GINS3: variants seen among roughly 807,000 people sequenced by gnomAD.
The protein encoded by GINS3 is DNA replication complex GINS protein PSF3.
A neutral mutation model predicts 20.0 loss-of-function variants in GINS3; 18 were observed. The observed-to-expected ratio is 0.90, with a 90% confidence interval of 0.62 to 1.33. GINS3 has a LOEUF of 1.33. GINS3 is among the 40% of genes most tolerant of loss of function. The pLI is 0.00. For synonymous variants in GINS3, 109 were observed against 107.0 expected (o/e 1.02, Z -0.12); for missense variants, 254 against 273.6 (o/e 0.93, Z 0.51).
intron 1 of GINS3, 28 bp downstream of exon 1, chr16:58,392,815 C>T (rs759056877): frequency 3.9e-6 from 6 of 1,558,344 alleles, no homozygotes; most frequent in Non-Finnish European, 3.5e-6. Context: ...GGGTCCTGCC[C>T]GGAAAGACTG....
At chr16:58,399,895 C>G (rs567958483) in intron 1 of GINS3, among the ~76,000 whole-genome samples, 1 of 152,206 alleles carries the variant, frequency 6.6e-6, no homozygotes, top group East Asian at 1.9e-4. Context: ...ACACTTAAAC[C>G]CATTTTTTCT....
intron 1 of GINS3, among the ~76,000 whole-genome samples, chr16:58,393,059 T>C (rs773789050): frequency 1.2e-4 from 19 of 152,202 alleles, no homozygotes; most frequent in Admixed American, 3.3e-4. Context: ...TTTGAAACTG[T>C]CCAAATTAGT....
At chr16:58,396,740 G>A (rs1403520599) in intron 1 of GINS3, among the ~76,000 whole-genome samples, 23 of 132,920 alleles carry the variant, frequency 1.7e-4, no homozygotes, top group Non-Finnish European at 3.2e-4. Flanking sequence ...CCTCCCGGAC[G>A]GGGCGGCTGG....
chr16:58,398,652 C>T (rs572776419), intron 1 of GINS3, among the ~76,000 whole-genome samples: 3 of 152,172 alleles, frequency 2.0e-5, no homozygotes, highest in East Asian at 3.9e-4. Flanking sequence ...TTTAATTTTG[C>T]GTTTTAAAAT....
chr16:58,396,402 A>G (rs1596956089), intron 1 of GINS3, among the ~76,000 whole-genome samples: 1 of 108,830 alleles, frequency 9.2e-6, no homozygotes, highest in African/African-American at 4.0e-5. Context: ...TGACCCCCCC[A>G]CCTCCCTCCC....
intron 1 of GINS3, 112 bp downstream of exon 1, chr16:58,392,899 A>G: frequency 1.7e-6 from 2 of 1,188,894 alleles, no homozygotes; most frequent in Non-Finnish European, 2.3e-6. Flanking sequence ...GTAGTTTTCG[A>G]GGAGCCAGGG....
intron 1 of GINS3, among the ~76,000 whole-genome samples, chr16:58,400,098 T>A (rs960072869): frequency 1.3e-5 from 2 of 152,236 alleles, no homozygotes; most frequent in Non-Finnish European, 2.9e-5. Context: ...AGTCTCAGTT[T>A]CTGTCTGTGT....
chr16:58,396,738 A>T (rs1965873569), intron 1 of GINS3, among the ~76,000 whole-genome samples: 1 of 123,800 alleles, frequency 8.1e-6, no homozygotes, highest in Non-Finnish European at 1.7e-5. Flanking sequence ...TCCCTCCCGG[A>T]CGGGGCGGCT....
In GINS3 at chr16:58,405,327, A is replaced by G. The variant is rs762217279; in HGVS notation, c.*598A>G. 2.0e-5 allele frequency: 3 copies of G among 153,522 alleles called. No homozygotes were observed. Among genetic ancestry groups the G allele is most frequent in the Non-Finnish European group, 4.3e-5 (3 of 69,052 alleles). 9.5% of individuals were successfully genotyped at this position (153,522 alleles called of 1,614,324 possible). Reference sequence around the variant, plus strand: ...CAGACGAATGGCATGGCTTTTACTAAAGAAAAGATGTTGGCCTCATACTCT... The same window carrying G: ...CAGACGAATGGCATGGCTTTTACTAGAGAAAAGATGTTGGCCTCATACTCT... On this transcript the variant is annotated 3_prime_UTR_variant, in exon 3 of 3. Coordinates refer to ENST00000318129, the MANE Select transcript of GINS3 (RefSeq NM_022770.4).
intron 1 of GINS3, among the ~76,000 whole-genome samples, chr16:58,401,395 G>A (rs998073642): frequency 8.5e-5 from 13 of 152,162 alleles, no homozygotes; most frequent in South Asian, 2.1e-4. Context: ...CTTCCACAGC[G>A]TGGAAGGGGA....
intron 1 of GINS3, among the ~76,000 whole-genome samples, chr16:58,402,259 A>G (rs1389606142): frequency 2.6e-5 from 4 of 152,290 alleles, no homozygotes; most frequent in South Asian, 4.1e-4. Flanking sequence ...AGTTTATCTT[A>G]AAGTTGGCGC....
intron 1 of GINS3, among the ~76,000 whole-genome samples, chr16:58,398,136 C>CCA (rs370877585): frequency 7.1e-4 from 107 of 150,408 alleles, no homozygotes; most frequent in South Asian, 2.5e-3. Context: ...AATTCTCCCA[C>CCA]CACACACACA....
chr16:58,396,661 T>G (rs1224484852), intron 1 of GINS3, among the ~76,000 whole-genome samples: 99 of 48,214 alleles, frequency 2.1e-3, no homozygotes, highest in Non-Finnish European at 2.6e-3. Context: ...GGCCGGGCGG[T>G]GGGCTGACCC....
chr16:58,396,603 C>T (rs1405991985), intron 1 of GINS3, among the ~76,000 whole-genome samples: 2 of 17,548 alleles, frequency 1.1e-4, no homozygotes, highest in African/African-American at 6.1e-4. Context: ...GGGCGGCTGG[C>T]CGGGCGGGGG....
Position 58,405,496 on chromosome 16 carries a change from G to A in GINS3, c.*767G>A, listed in dbSNP as rs1007773782. On this transcript the variant is annotated 3_prime_UTR_variant, in exon 3 of 3. Coordinates refer to ENST00000318129, the MANE Select transcript of GINS3 (RefSeq NM_022770.4). ...TACTCCCTGTCTAGAAAAGCTGTCA[G>A]GGAGTCGTTTGGAATTGCAATGTAG... The A allele has an allele frequency of 3.9e-5, 6 of 152,196 alleles. No homozygotes were observed. Among genetic ancestry groups the A allele is most frequent in the African/African-American group, 1.4e-4 (6 of 41,440 alleles). 9.4% of individuals were successfully genotyped at this position (152,196 alleles called of 1,614,324 possible).
intron 1 of GINS3, among the ~76,000 whole-genome samples, chr16:58,402,680 T>C (rs1965973003): frequency 6.6e-6 from 1 of 152,166 alleles, no homozygotes; most frequent in Non-Finnish European, 1.5e-5. Context: ...GTTGATCTTA[T>C]TTTTCTTTCT....
At chr16:58,400,729 A>G (rs1274785468) in intron 1 of GINS3, among the ~76,000 whole-genome samples, 1 of 151,628 alleles carries the variant, frequency 6.6e-6, no homozygotes, top group Admixed American at 6.6e-5. Flanking sequence ...TTACACTCAC[A>G]GTTATGTTCT....
Position 58,404,972 on chromosome 16 carries a change from G to A in GINS3, c.*243G>A, listed in dbSNP as rs1966010359. 4.2e-6 allele frequency: 2 copies of A among 477,642 alleles called. No homozygotes were observed. 29.6% of individuals were successfully genotyped at this position (477,642 alleles called of 1,614,324 possible). Reference sequence around the variant, plus strand: ...CAGGCCCTTTAACCCAAGAACCCATGGCCAAGGAGAAATCAAAGTCCTTCC... The same window carrying A: ...CAGGCCCTTTAACCCAAGAACCCATAGCCAAGGAGAAATCAAAGTCCTTCC... On this transcript the variant is annotated 3_prime_UTR_variant, in exon 3 of 3. Transcript: ENST00000318129.
At chr16:58,398,558 C>T (rs1257754363) in intron 1 of GINS3, among the ~76,000 whole-genome samples, 3 of 152,054 alleles carry the variant, frequency 2.0e-5, no homozygotes, top group East Asian at 1.9e-4. Flanking sequence ...TGCAGTGAGC[C>T]GTGATCACAC....
Sources: gnomAD v4.1 joint callset for allele counts (sites outside exome capture counted in the v4.1 genomes callset) on GRCh38, gnomAD v4.1.1 for gene constraint, MANE v1.5 for transcripts, NCBI Gene and HGNC (gene_info 2026-07-23, HGNC 2026-07-21) for gene names.